Variants in NIPBL observed in about 807,000 individuals in gnomAD.
The protein encoded by NIPBL is NIPBL cohesin loading factor, also known as nipped-B-like protein.
A neutral mutation model predicts 321.8 loss-of-function variants in NIPBL; 19 were observed. The ratio of observed to expected loss-of-function variants is 0.06; its 90% CI spans 0.04 to 0.09. The LOEUF (loss-of-function observed/expected upper bound fraction) is 0.09. Ranked by LOEUF, NIPBL falls within the 10% of genes least tolerant of loss-of-function variation. The pLI is 1.00. For synonymous variants in NIPBL, 1,106 were observed against 1,114.1 expected (o/e 0.99, Z 0.14); for missense variants, 2,210 against 3,327.0 (o/e 0.66, Z 8.26).
chr5:36,937,939 T>C (rs13162626), intron 1 of NIPBL, among the ~76,000 whole-genome samples: 16,150 of 152,174 alleles, frequency 0.11, 1,133 homozygotes, highest in Admixed American at 0.19. Flanking sequence ...GAAGCACTTA[T>C]TAAATACCAG....
At chr5:37,041,787 A>G (rs1055762493) in intron 34 of NIPBL, among the ~76,000 whole-genome samples, 1 of 148,536 alleles carries the variant, frequency 6.7e-6, no homozygotes, top group African/African-American at 2.5e-5. Flanking sequence ...CTGGTCTTGA[A>G]CTCCGGGCCT....
intron 10 of NIPBL, among the ~76,000 whole-genome samples, chr5:36,993,704 A>G (rs1745807519): frequency 6.6e-6 from 1 of 152,122 alleles, no homozygotes; most frequent in South Asian, 2.1e-4. Context: ...AAGGCCAAAT[A>G]CTTTGGGTTA....
intron 2 of NIPBL, among the ~76,000 whole-genome samples, chr5:36,954,645 ATTT>A (rs982168953): frequency 8.5e-5 from 13 of 152,128 alleles, no homozygotes; most frequent in African/African-American, 3.1e-4. Context: ...ATACCTAAAT[ATTT>A]TGTCTTTCCA....
chr5:36,970,753 A>C (rs1742763202), intron 6 of NIPBL, 123 bp from the exon 7 acceptor site: 1 of 838,900 alleles, frequency 1.2e-6, no homozygotes. Flanking sequence ...TAGTCAGTAC[A>C]TGAGTATCTG....
At chr5:36,981,581 A>T (rs1459236280) in intron 9 of NIPBL, among the ~76,000 whole-genome samples, 1 of 151,714 alleles carries the variant, frequency 6.6e-6, no homozygotes, top group African/African-American at 2.4e-5. Flanking sequence ...CTAATTACAT[A>T]AATTAATTTT....
At chr5:36,977,463 T>C (rs763441054) in intron 9 of NIPBL, among the ~76,000 whole-genome samples, 8 of 151,852 alleles carry the variant, frequency 5.3e-5, no homozygotes, top group Non-Finnish European at 1.2e-4. Flanking sequence ...TTTAATGTTA[T>C]TGAAAAAAAA....
At chr5:36,970,789 A>T in intron 6 of NIPBL, 87 bp from the exon 7 acceptor site, 1 of 1,175,716 alleles carries the variant, frequency 8.5e-7, no homozygotes, top group Non-Finnish European at 1.2e-6. Flanking sequence ...TAATTTCTAT[A>T]TGCTTAAAAT....
chr5:36,985,702 G>A lies in NIPBL; in HGVS notation c.2522G>A (p.Arg841Gln), dbSNP rs749833499. The A allele has an allele frequency of 3.7e-6, 6 of 1,613,652 alleles. No homozygotes were observed. Among genetic ancestry groups the A allele is most frequent in the South Asian group, 2.2e-5 (2 of 91,070 alleles). The change falls in exon 10 of 47, where the codon CGA (arginine) becomes CAA (glutamine). Residue 841 changes from arginine to glutamine, a missense_variant. By Grantham distance (43) the Arg-to-Gln change is conservative. This residue lies in a region of NIPBL where 588 missense variants were observed against 564.1 expected (regional missense o/e 1.04). Transcript: ENST00000282516. ...CATCGAGGGGATCAGTCTAGGGTTC[G>A]AAGACCAGAAACATTGAGATCCTCT... ...ERHRGDQSRV[R>Q]RPETLRSSSR...
chr5:36,878,506 T>G (rs1405072960), intron 1 of NIPBL, among the ~76,000 whole-genome samples: 2 of 152,342 alleles, frequency 1.3e-5, no homozygotes, highest in East Asian at 3.9e-4. Context: ...GATATTTTGT[T>G]TCATATTCGC....
chr5:36,948,179 A>C (rs1739896919), intron 1 of NIPBL, among the ~76,000 whole-genome samples: 1 of 151,926 alleles, frequency 6.6e-6, no homozygotes, highest in Non-Finnish European at 1.5e-5. Flanking sequence ...AGGATGTTCC[A>C]TCTTGTTAAC....
chr5:36,982,186 TA>T (rs1744226048), intron 9 of NIPBL: 1 of 973,498 alleles, frequency 1.0e-6, no homozygotes, highest in African/African-American at 1.8e-5. Context: ...TTCTGATAGC[TA>T]ATCTTATGGT....
chr5:37,064,561 C>T lies in NIPBL; in HGVS notation c.8084C>T (p.Thr2695Met), dbSNP rs766898203. Residue 2695 changes from threonine to methionine, a missense_variant, in exon 47 of 47, where the codon ACG (threonine) becomes ATG (methionine). By Grantham distance (81) the Thr-to-Met change is moderately conservative. Coordinates refer to ENST00000282516, the MANE Select transcript of NIPBL (RefSeq NM_133433.4). The part of the protein sequence containing the change: ...LRRSKRNSDS[T>M]ELAAQMNESV... Reference sequence around the variant, plus strand: ...AGGTCAAAACGAAATTCAGACTCTACGGAGTTGGCAGCACAGATGAATGAA... The same window carrying T: ...AGGTCAAAACGAAATTCAGACTCTATGGAGTTGGCAGCACAGATGAATGAA... The T allele has an allele frequency of 1.1e-5, 17 of 1,613,836 alleles. No individual in the cohort carries two copies. In the East Asian group the frequency reaches 1.8e-4, roughly 17 times the overall value.
chr5:36,898,276 T>C (rs1309228674), intron 1 of NIPBL, among the ~76,000 whole-genome samples: 2 of 152,166 alleles, frequency 1.3e-5, no homozygotes, highest in Non-Finnish European at 1.5e-5. Context: ...GTTGTTCTTA[T>C]CAGTGACCTT....
At chr5:36,958,278 A>T (rs758285953) in intron 4 of NIPBL, 47 bp downstream of exon 4, 12 of 1,591,130 alleles carry the variant, frequency 7.5e-6, no homozygotes, top group South Asian at 1.1e-5. Context: ...TGTTTTATAC[A>T]TATTTAAATC....
chr5:37,058,675 A>G (rs1361594758), intron 43 of NIPBL, among the ~76,000 whole-genome samples: 2 of 152,130 alleles, frequency 1.3e-5, no homozygotes, highest in Non-Finnish European at 2.9e-5. Flanking sequence ...GATTTTTTTG[A>G]AGGAGTGGTT....
At chr5:36,957,931 T>A (rs893573862) in intron 3 of NIPBL, among the ~76,000 whole-genome samples, 173 bp from the exon 4 acceptor site, 3 of 150,354 alleles carry the variant, frequency 2.0e-5, no homozygotes, top group African/African-American at 7.4e-5. Flanking sequence ...TGCAGTGAGC[T>A]GAGATTGTAC....
intron 8 of NIPBL, among the ~76,000 whole-genome samples, chr5:36,974,814 T>C (rs534655333): frequency 6.6e-6 from 1 of 152,270 alleles, no homozygotes; most frequent in African/African-American, 2.4e-5. Flanking sequence ...GTTTAAGTTC[T>C]GTCTGTAAAA....
chr5:36,903,803 A>G (rs1368790741), intron 1 of NIPBL, among the ~76,000 whole-genome samples: 1 of 152,188 alleles, frequency 6.6e-6, no homozygotes, highest in Non-Finnish European at 1.5e-5. Flanking sequence ...TTGAGGAGAT[A>G]CTACACCATC....
intron 21 of NIPBL, among the ~76,000 whole-genome samples, chr5:37,011,359 C>CA (rs1748096860): frequency 6.6e-6 from 1 of 152,028 alleles, no homozygotes; most frequent in African/African-American, 2.4e-5. Flanking sequence ...AGTTCAAGAC[C>CA]AGTTGGGCAA....
Sources: allele counts gnomAD v4.1 joint callset (sites outside exome capture counted in the v4.1 genomes callset), GRCh38; gene constraint gnomAD v4.1.1; regional missense constraint gnomAD v4.1.1; transcripts MANE v1.5; gene names NCBI Gene and HGNC (gene_info 2026-07-23, HGNC 2026-07-21).